DLG2: variants seen among roughly 807,000 people sequenced by gnomAD.
DLG2 encodes discs large MAGUK scaffold protein 2.
Under a neutral mutation model 132.5 loss-of-function variants are expected in DLG2, and 45 were observed. The observed-to-expected ratio is 0.34, with a 90% CI of 0.27 to 0.44. The LOEUF (loss-of-function observed/expected upper bound fraction) is 0.44. DLG2 is among the 20% of genes least tolerant of loss of function. The probability of loss-of-function intolerance (pLI) is 1.00; values close to 1 mark genes in which losing one functional copy is unlikely to be tolerated. For synonymous variants in DLG2, 424 were observed against 419.6 expected (o/e 1.01, Z -0.13); for missense variants, 1,045 against 1,196.9 (o/e 0.87, Z 1.87).
At chr11:83,593,797 G>A (rs914538614) in intron 19 of DLG2, among the ~76,000 whole-genome samples, 1 of 150,392 alleles carries the variant, frequency 6.6e-6, no homozygotes, top group Admixed American at 6.6e-5. Context: ...AGCTGATAAG[G>A]ATAAAATTAT....
chr11:85,357,727 TA>T, intron 3 of DLG2, among the ~76,000 whole-genome samples: 2 of 2,868 alleles, frequency 7.0e-4, no homozygotes, highest in South Asian at 0.011. Context: ...TATATATATA[TA>T]TATATATATA....
At chr11:85,036,487 A>G (rs1311844684) in intron 6 of DLG2, among the ~76,000 whole-genome samples, 1 of 152,200 alleles carries the variant, frequency 6.6e-6, no homozygotes, top group Non-Finnish European at 1.5e-5. Flanking sequence ...ATCAAATAGA[A>G]ACTATTGATA....
At chr11:85,318,420 T>C (rs534400244) in intron 3 of DLG2, among the ~76,000 whole-genome samples, 7 of 151,946 alleles carry the variant, frequency 4.6e-5, no homozygotes, top group Non-Finnish European at 8.8e-5. Flanking sequence ...ATATAAATAG[T>C]TGACAACATT....
chr11:85,535,015 T>G (rs1476215198), intron 3 of DLG2, among the ~76,000 whole-genome samples: 1 of 152,204 alleles, frequency 6.6e-6, no homozygotes, highest in East Asian at 1.9e-4. Flanking sequence ...TTATTTGACT[T>G]TTTAATATAG....
chr11:85,112,130 G>A lies in DLG2; in HGVS notation c.283-395C>T, dbSNP rs59597223. Among the ~76,000 whole-genome samples the A allele has an allele frequency of 9.8e-3, 1,492 of 152,074 alleles. 21 individuals carry two copies. The highest frequency in any genetic ancestry group is 0.033 in the African/African-American group (1,356 of 41,498). ...CAAGGTATAGAATGGCTGTTTATTT[G>A]TCTCTGTTTCCAGACTATAAGCTAG... On this transcript the variant is annotated intron_variant, in intron 5 of 27. Coordinates refer to ENST00000376104, the MANE Select transcript of DLG2 (RefSeq NM_001142699.3).
At chr11:85,416,767 G>C (rs1436484905) in intron 3 of DLG2, among the ~76,000 whole-genome samples, 5 of 152,156 alleles carry the variant, frequency 3.3e-5, no homozygotes, top group African/African-American at 4.8e-5. Context: ...GTGTAGAAAT[G>C]CTTGTGATTT....
At chr11:84,364,008 C>A (rs1707324367) in intron 7 of DLG2, among the ~76,000 whole-genome samples, 1 of 152,034 alleles carries the variant, frequency 6.6e-6, no homozygotes, top group South Asian at 2.1e-4. Flanking sequence ...TTTTTGGTTC[C>A]ATATGAACTT....
chr11:84,486,872 T>C (rs894037808), intron 7 of DLG2, among the ~76,000 whole-genome samples: 13 of 152,090 alleles, frequency 8.5e-5, no homozygotes, highest in African/African-American at 2.7e-4. Flanking sequence ...AGTATGTTGC[T>C]AGCAAAAAAA....
At chr11:84,994,197 C>T (rs137997944) in intron 6 of DLG2, among the ~76,000 whole-genome samples, 38 of 152,272 alleles carry the variant, frequency 2.5e-4, no homozygotes, top group African/African-American at 8.9e-4. Context: ...ACTCTTAGCC[C>T]TAATACAAAC....
At chr11:85,465,919 C>G (rs1451622701) in intron 3 of DLG2, among the ~76,000 whole-genome samples, 2 of 152,070 alleles carry the variant, frequency 1.3e-5, no homozygotes, top group African/African-American at 4.8e-5. Context: ...TACAGTCCCA[C>G]CAACAGTGTA....
intron 3 of DLG2, among the ~76,000 whole-genome samples, chr11:85,535,036 T>C (rs1598343579): frequency 6.6e-6 from 1 of 152,338 alleles, no homozygotes; most frequent in East Asian, 1.9e-4. Flanking sequence ...TCATTCTGAC[T>C]GGTGTGACAT....
chr11:84,379,923 C>T (rs10898230), intron 7 of DLG2, among the ~76,000 whole-genome samples: 30,951 of 151,684 alleles, frequency 0.2, 4,294 homozygotes, highest in African/African-American at 0.39. Flanking sequence ...GAACACCAAA[C>T]ATACAGAACA....
At chr11:85,498,866 G>C (rs1003819999) in intron 3 of DLG2, among the ~76,000 whole-genome samples, 2 of 152,134 alleles carry the variant, frequency 1.3e-5, no homozygotes, top group Non-Finnish European at 2.9e-5. Context: ...ATGAAATTAA[G>C]AAATAAAGAT....
intron 8 of DLG2, among the ~76,000 whole-genome samples, chr11:84,172,944 C>A (rs1020744110): frequency 3.9e-5 from 6 of 151,964 alleles, no homozygotes; most frequent in African/African-American, 1.2e-4. Flanking sequence ...TTAATAACTA[C>A]TATGTTTTTA....
intron 6 of DLG2, among the ~76,000 whole-genome samples, chr11:84,786,958 G>T (rs1359283091): frequency 2.6e-5 from 4 of 152,028 alleles, no homozygotes; most frequent in Admixed American, 1.3e-4. Flanking sequence ...TAATGGCTTT[G>T]GTGGGAAGAA....
At chr11:84,623,697 C>T (rs953686960) in intron 6 of DLG2, among the ~76,000 whole-genome samples, 2 of 152,084 alleles carry the variant, frequency 1.3e-5, no homozygotes, top group African/African-American at 2.4e-5. Flanking sequence ...GTTTTTAATA[C>T]AATGCATACA....
At chr11:84,601,561 C>G (rs1272817980) in intron 6 of DLG2, among the ~76,000 whole-genome samples, 1 of 151,608 alleles carries the variant, frequency 6.6e-6, no homozygotes, top group African/African-American at 2.4e-5. Context: ...ACCTAAATAT[C>G]CAACAATACA....
At chr11:85,602,614 C>G (rs1019421241) in intron 2 of DLG2, among the ~76,000 whole-genome samples, 1 of 151,976 alleles carries the variant, frequency 6.6e-6, no homozygotes, top group African/African-American at 2.4e-5. Flanking sequence ...ACAGTCTTTT[C>G]TAAACCCAAT....
At chr11:84,239,471 C>T (rs2097199486) in intron 8 of DLG2, among the ~76,000 whole-genome samples, 1 of 152,104 alleles carries the variant, frequency 6.6e-6, no homozygotes, top group Non-Finnish European at 1.5e-5. Context: ...CATGAGTCAC[C>T]ATGCCCAGCC....
Sources: allele counts gnomAD v4.1 joint callset (sites outside exome capture counted in the v4.1 genomes callset), GRCh38; gene constraint gnomAD v4.1.1; transcripts MANE v1.5; gene names NCBI Gene and HGNC (gene_info 2026-07-23, HGNC 2026-07-21).